The following FRMD3 variants were observed in gnomAD, a reference collection of about 807,000 sequenced individuals.
FRMD3 encodes FERM domain-containing protein 3.
Under a neutral mutation model 70.2 loss-of-function variants are expected in FRMD3, and 33 were observed. That is an observed-to-expected ratio of 0.47 (90% CI 0.36 to 0.63). The LOEUF (loss-of-function observed/expected upper bound fraction) is 0.63. Among genes scored for constraint, FRMD3 ranks in the 20% least tolerant of loss-of-function variants. The pLI is 0.00. For synonymous variants in FRMD3, 279 were observed against 255.9 expected (o/e 1.09, Z -0.86); for missense variants, 632 against 711.4 (o/e 0.89, Z 1.27).
chr9:83,510,062 C>T (rs188006155), intron 1 of FRMD3, among the ~76,000 whole-genome samples: 1 of 152,240 alleles, frequency 6.6e-6, no homozygotes, highest in African/African-American at 2.4e-5. Context: ...AGCAGGAAGC[C>T]AACCTTGAAG....
At chr9:83,545,777 C>T in the FRMD3 span, among the ~76,000 whole-genome samples, 3 of 152,014 alleles carry the variant, frequency 2.0e-5, no homozygotes, top group African/African-American at 7.3e-5. Context: ...TTTGGAAAAC[C>T]TATTTGAGGG....
chr9:83,500,496 A>ATG (rs1456875354), intron 1 of FRMD3, among the ~76,000 whole-genome samples: 26 of 129,612 alleles, frequency 2.0e-4, no homozygotes, highest in African/African-American at 7.0e-4. Context: ...CTTGGCGTGT[A>ATG]TGCGCGCACA....
chr9:83,454,191 G>C (rs1226380762), intron 1 of FRMD3, among the ~76,000 whole-genome samples: 1 of 152,050 alleles, frequency 6.6e-6, no homozygotes. Flanking sequence ...GCTATTGTAG[G>C]ATTACAATGT....
At chr9:83,259,127 A>T (rs1049467503) in intron 13 of FRMD3, among the ~76,000 whole-genome samples, 2 of 152,222 alleles carry the variant, frequency 1.3e-5, no homozygotes, top group Non-Finnish European at 2.9e-5. Context: ...GATGCCAGAC[A>T]TGCTGAAATG....
intron 1 of FRMD3, among the ~76,000 whole-genome samples, chr9:83,423,903 C>G (rs539146789): frequency 6.6e-5 from 10 of 152,154 alleles, no homozygotes; most frequent in African/African-American, 2.2e-4. Context: ...GCTCTGCTAG[C>G]CCTGTTTCAA....
intron 1 of FRMD3, among the ~76,000 whole-genome samples, chr9:83,415,441 T>TC (rs1564066271): frequency 7.0e-6 from 1 of 142,194 alleles, no homozygotes; most frequent in African/African-American, 2.6e-5. Context: ...GAAAGGAAAT[T>TC]CTTTTTTTTT....
the FRMD3 span, among the ~76,000 whole-genome samples, chr9:83,543,930 G>C: frequency 6.6e-6 from 1 of 152,262 alleles, no homozygotes; most frequent in East Asian, 1.9e-4. Flanking sequence ...CATAGCTGCT[G>C]CCGCCAGGGT....
At chr9:83,292,866 A>G (rs886436817) in intron 12 of FRMD3, among the ~76,000 whole-genome samples, 7 of 151,872 alleles carry the variant, frequency 4.6e-5, no homozygotes, top group Non-Finnish European at 1.0e-4. Flanking sequence ...GGCTGGTCTC[A>G]AACTCCTGAC....
chr9:83,406,933 C>A (rs921399310), intron 1 of FRMD3, among the ~76,000 whole-genome samples: 5 of 152,196 alleles, frequency 3.3e-5, no homozygotes, highest in Non-Finnish European at 7.3e-5. Context: ...AATGCCCCAC[C>A]ACCATGGTTG....
Position 83,389,723 on chromosome 9 carries a change from C to T in FRMD3, c.148-15G>A. 1 of 1,583,256 alleles carries T rather than the reference C, an allele frequency of 6.3e-7. No homozygotes were observed. On this transcript the variant is annotated splice_polypyrimidine_tract_variant and intron_variant, in intron 1 of 13. Transcript: ENST00000304195. Reference sequence around the variant, plus strand: ...TTGGTTTCCCTCTGCAAAGGAAGCACATTTAAGTCTCAGCCAGAGCTCACC... The same window carrying T: ...TTGGTTTCCCTCTGCAAAGGAAGCATATTTAAGTCTCAGCCAGAGCTCACC...
At chr9:83,497,808 G>A (rs1392147584) in intron 1 of FRMD3, among the ~76,000 whole-genome samples, 3 of 152,176 alleles carry the variant, frequency 2.0e-5, no homozygotes, top group Non-Finnish European at 2.9e-5. Flanking sequence ...CAGTTGCCCG[G>A]TTGCATCAGA....
intron 1 of FRMD3, among the ~76,000 whole-genome samples, chr9:83,443,620 T>C (rs1326340884): frequency 6.6e-6 from 1 of 152,228 alleles, no homozygotes; most frequent in Non-Finnish European, 1.5e-5. Flanking sequence ...TGTGTCTTTA[T>C]AGTAGCATGA....
intron 12 of FRMD3, among the ~76,000 whole-genome samples, chr9:83,291,247 A>C (rs1242081770): frequency 6.6e-6 from 1 of 152,188 alleles, no homozygotes; most frequent in Non-Finnish European, 1.5e-5. Flanking sequence ...GTTACACCCT[A>C]CTCACTAACT....
chr9:83,244,830 A>AAAT lies in FRMD3; in HGVS notation c.*3085_*3087dup, dbSNP rs1217865826. On this transcript the variant is annotated 3_prime_UTR_variant, in exon 14 of 14. Coordinates refer to ENST00000304195, the MANE Select transcript of FRMD3 (RefSeq NM_174938.6). ...GTTTATAAATATTAGACAAACCACA[A>AAAT]AATATATTCCAAATACATAACATTT... The AAAT allele has an allele frequency of 1.2e-4, 119 of 984,710 alleles. No homozygotes were observed. The highest frequency in any genetic ancestry group is 1.4e-4 in the Non-Finnish European group (116 of 829,402). The allele number at this position is 984,710 out of a possible 1,614,324, so 61.0% of individuals were successfully genotyped here.
rs531168034 is a variant in FRMD3, at chr9:83,381,331, G to A, written c.252+8273C>T. ...GCACTTTCGGAGGCCAAGGTGGGCA[G>A]ATCACCTGAGGTCAGGAGATCGAGA... On this transcript the variant is annotated intron_variant, in intron 2 of 13. Coordinates refer to ENST00000304195, the MANE Select transcript of FRMD3 (RefSeq NM_174938.6). 2.5e-3 allele frequency among the ~76,000 whole-genome samples: 381 copies of A among 152,302 alleles called. 3 individuals are homozygous for A. The highest frequency in any genetic ancestry group is 8.5e-3 in the African/African-American group (353 of 41,572).
intron 1 of FRMD3, among the ~76,000 whole-genome samples, chr9:83,498,392 T>C (rs1018512042): frequency 1.3e-5 from 2 of 152,174 alleles, no homozygotes; most frequent in Admixed American, 6.5e-5. Flanking sequence ...AATTCCATGA[T>C]AGAAGATAAT....
At chr9:83,535,613 T>C (rs1211851212) in intron 1 of FRMD3, among the ~76,000 whole-genome samples, 4 of 127,228 alleles carry the variant, frequency 3.1e-5, no homozygotes, top group African/African-American at 8.0e-5. Flanking sequence ...ATGAGACTTT[T>C]TGTGATTTTT....
At chr9:83,560,099 C>T in the FRMD3 span, among the ~76,000 whole-genome samples, 1 of 152,276 alleles carries the variant, frequency 6.6e-6, no homozygotes, top group Non-Finnish European at 1.5e-5. Context: ...CCTCTTCATT[C>T]ATAAAATGTG....
At position 83,525,975 on chromosome 9, in the gene FRMD3, C is replaced by T. The variant is rs76954161; in HGVS notation, c.147+12110G>A. On this transcript the variant is annotated intron_variant, in intron 1 of 13. Coordinates refer to ENST00000304195, the MANE Select transcript of FRMD3 (RefSeq NM_174938.6). ...CTGCCACCACTTGCAAGAACATTAACAACTCCCTTACTTCTGTCTCTATGT... is the reference window on the plus strand; with the variant it reads ...CTGCCACCACTTGCAAGAACATTAATAACTCCCTTACTTCTGTCTCTATGT... Among the ~76,000 whole-genome samples the T allele has an allele frequency of 3.0e-4, 45 of 152,302 alleles. No homozygotes were observed. In the East Asian group the frequency reaches 8.1e-3, roughly 27 times the overall value.
Sources: gnomAD v4.1 joint callset for allele counts (sites outside exome capture counted in the v4.1 genomes callset) on GRCh38, gnomAD v4.1.1 for gene constraint, MANE v1.5 for transcripts, NCBI Gene and HGNC (gene_info 2026-07-23, HGNC 2026-07-21) for gene names.